Variants in NTNG1 observed in about 807,000 individuals in gnomAD.
NTNG1 encodes the protein netrin G1.
A neutral mutation model predicts 54.0 loss-of-function variants in NTNG1; 16 were observed. That is an observed-to-expected ratio of 0.30 (90% CI 0.20 to 0.45). The LOEUF is 0.45. Among genes scored for constraint, NTNG1 ranks in the 20% least tolerant of loss-of-function variants. NTNG1 has a pLI of 1.00. For missense variants in NTNG1, 530 were observed against 678.7 expected (o/e 0.78, Z 2.43); for synonymous variants, 255 against 263.1 (o/e 0.97, Z 0.30).
intron 3 of NTNG1, among the ~76,000 whole-genome samples, chr1:107,354,651 C>T (rs1218501828): frequency 6.6e-6 from 1 of 152,060 alleles, no homozygotes; most frequent in Non-Finnish European, 1.5e-5. Flanking sequence ...TCTGCTGAAG[C>T]TCAATAAGTT....
intron 2 of NTNG1, among the ~76,000 whole-genome samples, chr1:107,154,754 A>G (rs1297030663): frequency 6.6e-6 from 1 of 151,280 alleles, no homozygotes; most frequent in Non-Finnish European, 1.5e-5. Flanking sequence ...AACCTGATAT[A>G]TATATATATA....
intron 2 of NTNG1, among the ~76,000 whole-genome samples, chr1:107,318,919 G>T (rs987110173): frequency 6.6e-6 from 1 of 152,116 alleles, no homozygotes; most frequent in African/African-American, 2.4e-5. Context: ...GAAACATATG[G>T]CCTTGTGGAC....
rs191490760 is a variant in NTNG1 at position 107,307,364 on chromosome 1, C to G, written c.247-16918C>G. 1.3e-3 allele frequency among the ~76,000 whole-genome samples: 205 copies of G among 152,246 alleles called. 1 individual carries two copies. Among genetic ancestry groups the G allele is most frequent in the African/African-American group, 4.6e-3 (192 of 41,554 alleles). ...AAGATGGCAAGCTGGGAAGATCATACATAAGAATAGCAATGATAGTGATGA... is the reference window on the plus strand; with the variant it reads ...AAGATGGCAAGCTGGGAAGATCATAGATAAGAATAGCAATGATAGTGATGA... On this transcript the variant is annotated intron_variant, in intron 2 of 7. Coordinates refer to ENST00000370068, the MANE Select transcript of NTNG1 (RefSeq NM_001113226.3).
At chr1:107,307,835 C>T (rs779468447) in intron 2 of NTNG1, among the ~76,000 whole-genome samples, 8 of 152,064 alleles carry the variant, frequency 5.3e-5, no homozygotes, top group Non-Finnish European at 7.4e-5. Flanking sequence ...AGCTGTTTTC[C>T]ACTTGGCATT....
chr1:107,264,532 A>G (rs1570533376), intron 2 of NTNG1, among the ~76,000 whole-genome samples: 1 of 152,162 alleles, frequency 6.6e-6, no homozygotes, highest in African/African-American at 2.4e-5. Flanking sequence ...TTCATTTTTT[A>G]TAAATGCTCC....
At chr1:107,388,526 G>T (rs1229954390) in intron 3 of NTNG1, among the ~76,000 whole-genome samples, 1 of 152,200 alleles carries the variant, frequency 6.6e-6, no homozygotes, top group Non-Finnish European at 1.5e-5. Flanking sequence ...CATTAGTGCA[G>T]GTCTCATGGG....
Position 107,411,959 on chromosome 1 carries a change from G to A in NTNG1, c.1087+4251G>A, listed in dbSNP as rs554176299. Among the ~76,000 whole-genome samples the A allele has an allele frequency of 3.0e-4, 45 of 152,244 alleles. 1 individual carries two copies. In the South Asian group the frequency reaches 6.7e-3, roughly 22 times the overall value. On this transcript the variant is annotated intron_variant, in intron 5 of 7. Transcript: ENST00000370068. ...GAACAAATCGAATATTCCAATGGAG[G>A]AGCTGAAATAATCTCCTACTTAAAT...
At chr1:107,436,908 C>G in intron 7 of NTNG1, 109 bp downstream of exon 7, 2 of 1,035,728 alleles carry the variant, frequency 1.9e-6, no homozygotes, top group Middle Eastern at 3.1e-4. Flanking sequence ...AAACCGCTGA[C>G]AAGTTTTAAA....
intron 2 of NTNG1, among the ~76,000 whole-genome samples, chr1:107,165,456 G>T (rs973153008): frequency 6.6e-6 from 1 of 152,168 alleles, no homozygotes; most frequent in East Asian, 1.9e-4. Flanking sequence ...TAAAGAGCAA[G>T]TTTTCTTAGC....
chr1:107,292,593 G>A (rs1665683834), intron 2 of NTNG1, among the ~76,000 whole-genome samples: 3 of 152,224 alleles, frequency 2.0e-5, no homozygotes, highest in South Asian at 2.1e-4. Flanking sequence ...ATAAGATCTC[G>A]GGAGATGGGC....
chr1:107,393,863 C>T (rs1166739274), intron 3 of NTNG1, among the ~76,000 whole-genome samples: 2 of 152,050 alleles, frequency 1.3e-5, no homozygotes, highest in African/African-American at 4.8e-5. Flanking sequence ...TATCTTCCTA[C>T]CTAAGAAAGA....
intron 2 of NTNG1, among the ~76,000 whole-genome samples, chr1:107,220,210 C>T (rs902222286): frequency 7.9e-5 from 12 of 152,196 alleles, no homozygotes; most frequent in South Asian, 2.1e-4. Flanking sequence ...CCTCACCCTC[C>T]GCCAACAGCA....
At chr1:107,362,727 A>G (rs1395133434) in intron 3 of NTNG1, among the ~76,000 whole-genome samples, 1 of 152,232 alleles carries the variant, frequency 6.6e-6, no homozygotes, top group Non-Finnish European at 1.5e-5. Context: ...AACACGGCAT[A>G]TATGTTAAAA....
chr1:107,184,969 G>T (rs1657341748), intron 2 of NTNG1, among the ~76,000 whole-genome samples: 1 of 152,106 alleles, frequency 6.6e-6, no homozygotes, highest in South Asian at 2.1e-4. Flanking sequence ...ATCTGGGATT[G>T]GGATCATCTT....
chr1:107,141,420 G>T (rs1653687592), intron 1 of NTNG1: 1 of 149,374 alleles, frequency 6.7e-6, no homozygotes, highest in East Asian at 2.0e-4. Flanking sequence ...CGCGCCGTCG[G>T]CTCGGCTCCC....
At chr1:107,407,772 C>A in intron 5 of NTNG1, 64 bp downstream of exon 5, 1 of 1,329,730 alleles carries the variant, frequency 7.5e-7, no homozygotes, top group South Asian at 1.2e-5. Context: ...CTTTGTTGTT[C>A]ACCTCCTCAG....
At chr1:107,387,477 T>C (rs868028583) in intron 3 of NTNG1, among the ~76,000 whole-genome samples, 1 of 152,244 alleles carries the variant, frequency 6.6e-6, no homozygotes, top group Non-Finnish European at 1.5e-5. Context: ...TCTGCTTTAG[T>C]AAGCCTAGAG....
intron 4 of NTNG1, among the ~76,000 whole-genome samples, chr1:107,406,761 C>A (rs956418623): frequency 6.6e-6 from 1 of 152,112 alleles, no homozygotes; most frequent in African/African-American, 2.4e-5. Context: ...TTACATCTAT[C>A]AGTTTATATA....
chr1:107,406,628 C>A (rs1557972870), intron 4 of NTNG1, among the ~76,000 whole-genome samples: 1 of 152,092 alleles, frequency 6.6e-6, no homozygotes, highest in Non-Finnish European at 1.5e-5. Context: ...AGATGTAAAT[C>A]TCTGGCTTTT....
Sources: gnomAD v4.1 joint callset for allele counts (sites outside exome capture counted in the v4.1 genomes callset) on GRCh38, gnomAD v4.1.1 for gene constraint, MANE v1.5 for transcripts, NCBI Gene and HGNC (gene_info 2026-07-23, HGNC 2026-07-21) for gene names.